Variants in CCDC178 observed in about 807,000 individuals in gnomAD.
CCDC178 encodes the protein coiled-coil domain-containing protein 178.
In CCDC178, 126 loss-of-function variants were observed where a neutral mutation model predicts 117.4. The ratio of observed to expected loss-of-function variants is 1.07; its 90% CI spans 0.93 to 1.24. The LOEUF is 1.24. Among genes scored for constraint, CCDC178 ranks in the 50% most tolerant of loss-of-function variants. CCDC178 has a pLI of 0.00. For missense variants in CCDC178, 1,030 were observed against 986.9 expected, an observed-to-expected ratio of 1.04 and a Z score of -0.59; for synonymous variants, 283 against 313.4, an observed-to-expected ratio of 0.90 and a Z score of 1.02.
chr18:32,967,193 A>G (rs2054832412), intron 22 of CCDC178, among the ~76,000 whole-genome samples: 1 of 151,616 alleles, frequency 6.6e-6, no homozygotes, highest in African/African-American at 2.4e-5. Context: ...TCTAAAGTTG[A>G]ATCTCTTTGC....
At position 33,227,964 on chromosome 18, in the gene CCDC178, T is replaced by C. The variant is rs186935090; in HGVS notation, c.1594-1109A>G. The stretch of plus-strand genomic sequence containing the variant: ...AGCAGATACAGCACAGTTTTTCAGT[T>C]TGTTTATTATTTAATAGAAATGGAA... On this transcript the variant is annotated intron_variant, in intron 15 of 22. Coordinates refer to ENST00000383096, the MANE Select transcript of CCDC178 (RefSeq NM_001105528.4). Among the ~76,000 whole-genome samples the C allele has an allele frequency of 2.6e-5, 4 of 152,310 alleles. No homozygotes were observed. The East Asian group carries it at 5.8e-4, about 22-fold the overall frequency.
At chr18:33,266,869 A>T (rs1270842888) in intron 14 of CCDC178, 47 bp downstream of exon 14, 1 of 1,430,844 alleles carries the variant, frequency 7.0e-7, no homozygotes. Flanking sequence ...ATTGTATTTA[A>T]CATATTGGAT....
chr18:33,325,056 T>C (rs958696639), intron 10 of CCDC178, among the ~76,000 whole-genome samples: 5 of 151,742 alleles, frequency 3.3e-5, no homozygotes, highest in Admixed American at 2.0e-4. Context: ...TTATTTCATT[T>C]TATTGTCCTA....
In CCDC178 at chr18:33,322,401, G is replaced by A. The variant is rs536685867; in HGVS notation, c.1022+1090C>T. 3.3e-5 allele frequency among the ~76,000 whole-genome samples: 5 copies of A among 151,828 alleles called. No individual in the cohort carries two copies. The South Asian group carries it at 1.0e-3, about 31-fold the overall frequency. On this transcript the variant is annotated intron_variant, in intron 11 of 22. Transcript: ENST00000383096. ...GCTTAGTAAACTTGATCTAATGAAA[G>A]AGTAACAACAGTACACTCAACAAGT...
chr18:33,379,308 G>A (rs1039835765), intron 5 of CCDC178, among the ~76,000 whole-genome samples: 1 of 151,370 alleles, frequency 6.6e-6, no homozygotes, highest in Non-Finnish European at 1.5e-5. Context: ...GTTCTATAGC[G>A]CTATGCACCT....
intron 21 of CCDC178, among the ~76,000 whole-genome samples, chr18:33,084,298 C>T (rs1443170028): frequency 6.6e-6 from 1 of 152,098 alleles, no homozygotes; most frequent in Non-Finnish European, 1.5e-5. Flanking sequence ...AAAATTATAA[C>T]ATGAAGATGC....
At chr18:33,065,983 C>G (rs969076727) in intron 21 of CCDC178, among the ~76,000 whole-genome samples, 3 of 151,320 alleles carry the variant, frequency 2.0e-5, no homozygotes, top group African/African-American at 4.9e-5. Context: ...TGCCTCAGCC[C>G]CCCGAGTAGC....
intron 11 of CCDC178, among the ~76,000 whole-genome samples, chr18:33,306,052 T>C (rs1474309817): frequency 2.0e-5 from 3 of 152,228 alleles, no homozygotes; most frequent in Non-Finnish European, 4.4e-5. Context: ...TAGAGTCTTC[T>C]AAACTTCTCT....
intron 2 of CCDC178, among the ~76,000 whole-genome samples, chr18:33,432,932 C>T (rs1251061125): frequency 6.6e-6 from 1 of 152,028 alleles, no homozygotes; most frequent in Non-Finnish European, 1.5e-5. Flanking sequence ...TAATTATTGC[C>T]TTTGTAAGAG....
intron 19 of CCDC178, among the ~76,000 whole-genome samples, chr18:33,213,383 T>G (rs2059129289): frequency 6.6e-6 from 1 of 152,128 alleles, no homozygotes; most frequent in Admixed American, 6.6e-5. Flanking sequence ...TATCTTGCCC[T>G]GGTTTTTCCT....
chr18:32,974,785 A>T, intron 21 of CCDC178, 104 bp from the exon 22 acceptor site: 1 of 1,143,934 alleles, frequency 8.7e-7, no homozygotes, highest in Non-Finnish European at 1.3e-6. Flanking sequence ...AGCAGTCAAT[A>T]GCCCATTCTG....
intron 22 of CCDC178, chr18:32,956,863 C>T (rs1434763479): frequency 6.6e-6 from 1 of 152,022 alleles, no homozygotes; most frequent in Non-Finnish European, 1.5e-5. Context: ...TTTTTTCCAT[C>T]TGAACTTTTA....
intron 3 of CCDC178, among the ~76,000 whole-genome samples, chr18:33,397,901 G>A (rs1352718359): frequency 2.0e-5 from 3 of 151,866 alleles, no homozygotes; most frequent in Non-Finnish European, 4.4e-5. Flanking sequence ...AAAAACTGTG[G>A]TAGTACAAAA....
At chr18:32,996,173 A>T (rs1352122849) in intron 21 of CCDC178, among the ~76,000 whole-genome samples, 1 of 151,948 alleles carries the variant, frequency 6.6e-6, no homozygotes, top group African/African-American at 2.4e-5. Flanking sequence ...ACACAATATT[A>T]GAAATATAAA....
intron 20 of CCDC178, among the ~76,000 whole-genome samples, chr18:33,206,804 ATGTTTG>A (rs2059049813): frequency 6.6e-6 from 1 of 152,188 alleles, no homozygotes; most frequent in Admixed American, 6.5e-5. Flanking sequence ...CTTTTCAATG[ATGTTTG>A]TATAGCAAAG....
chr18:33,051,361 G>A (rs74983598), intron 21 of CCDC178, among the ~76,000 whole-genome samples: 3,957 of 152,236 alleles, frequency 0.026, 82 homozygotes, highest in East Asian at 0.1. Flanking sequence ...TGATGAAGGC[G>A]AGAAACTCTT....
At chr18:33,013,592 G>C (rs948457303) in intron 21 of CCDC178, among the ~76,000 whole-genome samples, 2 of 152,132 alleles carry the variant, frequency 1.3e-5, no homozygotes, top group South Asian at 2.1e-4. Context: ...GTTATAAGAA[G>C]TATGTAAGCC....
chr18:33,333,328 A>G lies in CCDC178; in HGVS notation c.725T>C (p.Leu242Pro). The G allele has an allele frequency of 6.2e-7, 1 of 1,612,610 alleles. No homozygotes were observed. The highest frequency in any genetic ancestry group is 8.5e-7 in the Non-Finnish European group (1 of 1,179,220). The change falls in exon 10 of 23, where the codon CTA (leucine) becomes CCA (proline). Residue 242 changes from leucine (L) to proline (P), a missense_variant. By Grantham distance (98) the Leu-to-Pro change is moderately conservative. Coordinates refer to ENST00000383096, the MANE Select transcript of CCDC178 (RefSeq NM_001105528.4). Reference protein sequence around the residue: ...QWHLEDKANQLQHFEKQKTEL... With the variant: ...QWHLEDKANQPQHFEKQKTEL... The stretch of plus-strand genomic sequence containing the variant: ...TGTCTTTTGTTTTTCAAAATGTTGT[A>G]GTTGATTAGCTTTATCTTCAAGATG...
chr18:33,059,702 AC>A (rs779766087), intron 21 of CCDC178, among the ~76,000 whole-genome samples: 6 of 151,862 alleles, frequency 4.0e-5, no homozygotes, highest in Non-Finnish European at 8.8e-5. Flanking sequence ...AACTGTCAGT[AC>A]CTTTAACCTG....
Sources: gnomAD v4.1 joint callset for allele counts (sites outside exome capture counted in the v4.1 genomes callset) on GRCh38, gnomAD v4.1.1 for gene constraint, MANE v1.5 for transcripts, NCBI Gene and HGNC (gene_info 2026-07-23, HGNC 2026-07-21) for gene names.